Variants in TF observed in about 807,000 individuals in gnomAD.
TF encodes the protein serotransferrin.
Under a neutral mutation model 82.4 loss-of-function variants are expected in TF, and 55 were observed. The ratio of observed to expected loss-of-function variants is 0.67; its 90% CI spans 0.54 to 0.84. TF has a LOEUF of 0.84. Among genes scored for constraint, TF ranks in the 40% least tolerant of loss-of-function variants. The pLI, the probability that TF is intolerant of heterozygous loss-of-function variation, is 0.00. For missense variants in TF, 737 were observed against 868.4 expected (o/e 0.85, Z 1.90); for synonymous variants, 332 against 332.6 (o/e 1.00, Z 0.02).
chr3:133,730,025 T>A, the TF span, among the ~76,000 whole-genome samples: 3 of 152,228 alleles, frequency 2.0e-5, no homozygotes, highest in Non-Finnish European at 4.4e-5. Context: ...TCATATTCTC[T>A]TGCTTTTTCA....
chr3:133,671,744 A>T, the TF span, among the ~76,000 whole-genome samples: 1 of 151,508 alleles, frequency 6.6e-6, no homozygotes, highest in Admixed American at 6.6e-5. Flanking sequence ...AATGAGCCGC[A>T]ATCTTGCCAC....
the TF span, among the ~76,000 whole-genome samples, chr3:133,685,995 G>C: frequency 1.4e-4 from 21 of 152,228 alleles, 1 homozygote; most frequent in East Asian, 5.8e-4. Flanking sequence ...GGTACCAAAA[G>C]AGAGATATAG....
chr3:133,727,841 G>C, the TF span, among the ~76,000 whole-genome samples: 1 of 103,750 alleles, frequency 9.6e-6, no homozygotes, highest in Non-Finnish European at 2.1e-5. Context: ...ACTCTTTTAG[G>C]GCAGGCCTGT....
chr3:133,767,943 TG>T, intron 12 of TF, 85 bp from the exon 13 acceptor site: 3 of 1,513,562 alleles, frequency 2.0e-6, no homozygotes, highest in Non-Finnish European at 2.8e-6. Flanking sequence ...CTACTTATTA[TG>T]GGCCATGCAG....
chr3:133,750,507 T>C (rs952634226), intron 2 of TF, among the ~76,000 whole-genome samples: 4 of 152,158 alleles, frequency 2.6e-5, no homozygotes, highest in Non-Finnish European at 4.4e-5. Flanking sequence ...GCCTTCTCTC[T>C]GTAGCTTTCC....
chr3:133,676,780 G>A, the TF span, among the ~76,000 whole-genome samples: 1 of 152,194 alleles, frequency 6.6e-6, no homozygotes, highest in South Asian at 2.1e-4. Context: ...TTCTTGAGTA[G>A]GGCTTCTGCT....
chr3:133,746,433 C>T lies in TF; in HGVS notation c.-8C>T. 2 of 1,599,090 alleles carry T rather than the reference C, an allele frequency of 1.3e-6. No homozygotes were observed. The highest frequency in any genetic ancestry group is 1.7e-6 in the Non-Finnish European group (2 of 1,175,920). ...ACTGTGCTCGCTGCTCAGCGCCGCA[C>T]CCGGAAGATGAGGCTCGCCGTGGGA... is the stretch of plus-strand genomic sequence containing the variant. On this transcript the variant is annotated 5_prime_UTR_variant, in exon 1 of 17. Coordinates refer to ENST00000402696, the MANE Select transcript of TF (RefSeq NM_001063.4).
rs574096396 is a variant in TF, at chr3:133,755,743, C to A, written c.635+248C>A. ...TTCCTTTCTCCCCAGAGCCCTCAAG[C>A]CTGGTCAGTGTCTCCTCTCGGTGGA... On this transcript the variant is annotated intron_variant, in intron 5 of 16. Transcript: ENST00000402696. The A allele has an allele frequency of 2.8e-5, 16 of 569,358 alleles. No homozygotes were observed. The African/African-American group carries it at 3.0e-4, about 11-fold the overall frequency. 35.3% of individuals were successfully genotyped at this position (569,358 alleles called of 1,614,324 possible).
In TF at chr3:133,784,489, T is replaced by TA. The variant is rs1934606142; in HGVS notation, c.*5871dup. 1 of 132,762 alleles carries TA rather than the reference T, an allele frequency of 7.5e-6. No homozygotes were observed. The highest frequency in any genetic ancestry group is 2.7e-5 in the African/African-American group (1 of 36,438). The allele number at this position is 132,762 out of a possible 1,614,324, so 8.2% of individuals were successfully genotyped here. ...GTTAAAAAAATAATAATAATAATAA[T>TA]AATAATAATAATAATAATAGGACAT... On this transcript the variant is annotated 3_prime_UTR_variant, in exon 17 of 17. Transcript: ENST00000402696.
At chr3:133,725,169 G>C in the TF span, among the ~76,000 whole-genome samples, 1 of 152,090 alleles carries the variant, frequency 6.6e-6, no homozygotes, top group African/African-American at 2.4e-5. Context: ...GAACTTTAAA[G>C]TAGTTTTTTC....
At chr3:133,775,716 C>G in intron 15 of TF, 99 bp downstream of exon 15, 1 of 1,264,820 alleles carries the variant, frequency 7.9e-7, no homozygotes, top group Non-Finnish European at 1.1e-6. Flanking sequence ...CCAGCACTTT[C>G]TTTTTGAAAA....
chr3:133,762,959 T>C (rs1370649269), intron 9 of TF, among the ~76,000 whole-genome samples: 7 of 152,244 alleles, frequency 4.6e-5, no homozygotes, highest in African/African-American at 1.7e-4. Context: ...AGATTTTTAC[T>C]TCTTAAGACA....
At chr3:133,664,556 G>A in the TF span, among the ~76,000 whole-genome samples, 11 of 152,024 alleles carry the variant, frequency 7.2e-5, no homozygotes, top group African/African-American at 2.7e-4. Context: ...TCCTGACCTC[G>A]TGATCCACCT....
rs753568499 is a variant in TF at position 133,777,205 on chromosome 3, G to C, written c.2029G>C (p.Ala677Pro). The change falls in exon 16 of 17, where the codon GCT becomes CCT. Residue 677 changes from alanine to proline, a missense_variant. Physicochemically the swap from Ala to Pro is conservative, Grantham distance 27. Coordinates refer to ENST00000402696, the MANE Select transcript of TF (RefSeq NM_001063.4). Reference sequence around the variant, plus strand: ...ATACTTAGGAGAAGAATATGTCAAGGCTGTTGGTAACCTGAGAAAATGCTC... The same window carrying C: ...ATACTTAGGAGAAGAATATGTCAAGCCTGTTGGTAACCTGAGAAAATGCTC... ...EKYLGEEYVKAVGNLRKCSTS... is the reference protein window; with the variant it reads ...EKYLGEEYVKPVGNLRKCSTS... 15 of 1,613,546 alleles carry C rather than the reference G, an allele frequency of 9.3e-6. No homozygotes were observed. Among genetic ancestry groups the C allele is most frequent in the Non-Finnish European group, 1.3e-5 (15 of 1,180,016 alleles).
At position 133,793,865 on chromosome 3, in the gene TF, C is replaced by G. The variant is rs1353996341; in HGVS notation, c.*15245C>G. The G allele has an allele frequency of 6.6e-6, 1 of 152,104 alleles. No individual in the cohort carries two copies. The highest frequency in any genetic ancestry group is 6.5e-5 in the Admixed American group (1 of 15,274). 9.4% of individuals were successfully genotyped at this position (152,104 alleles called of 1,614,324 possible). A position where few individuals can be genotyped will look rare whatever the true frequency, so the allele number is the denominator to read the frequency against. On this transcript the variant is annotated 3_prime_UTR_variant, in exon 17 of 17. Coordinates refer to ENST00000402696, the MANE Select transcript of TF (RefSeq NM_001063.4). ...TAAGTTTAGAATTATATCATTTGAA[C>G]TGGGTAAGAATTCCTGGAACTTTAA...
the TF span, among the ~76,000 whole-genome samples, chr3:133,681,488 G>A: frequency 2.6e-5 from 4 of 152,150 alleles, no homozygotes; most frequent in Non-Finnish European, 4.4e-5. Context: ...TGGAAAATCG[G>A]GTCACTCCCA....
chr3:133,735,699 G>T, the TF span, among the ~76,000 whole-genome samples: 1 of 152,094 alleles, frequency 6.6e-6, no homozygotes, highest in African/African-American at 2.4e-5. Flanking sequence ...CAGAAGAAAG[G>T]ATATCAGAGA....
chr3:133,719,760 C>T, the TF span, among the ~76,000 whole-genome samples: 3 of 152,044 alleles, frequency 2.0e-5, no homozygotes, highest in South Asian at 2.1e-4. Context: ...GATGTCTTCC[C>T]GTTTATTTGT....
intron 6 of TF, 21 bp downstream of exon 6, chr3:133,756,358 C>T (rs1351757550): frequency 1.2e-6 from 2 of 1,613,210 alleles, no homozygotes; most frequent in South Asian, 2.2e-5. Flanking sequence ...GACAAGAATC[C>T]ACCAGGGCCA....
Sources: allele counts gnomAD v4.1 joint callset (sites outside exome capture counted in the v4.1 genomes callset), GRCh38; gene constraint gnomAD v4.1.1; transcripts MANE v1.5; gene names NCBI Gene and HGNC (gene_info 2026-07-23, HGNC 2026-07-21).